The following WDR35 variants were observed in gnomAD, a reference collection of about 807,000 sequenced individuals.
The protein encoded by WDR35 is WD repeat domain 35, also known as WD repeat-containing protein 35.
WDR35 carries 118 observed loss-of-function variants against 158.3 expected under a neutral mutation model. That is an observed-to-expected ratio of 0.75 (90% CI 0.64 to 0.87). The LOEUF (loss-of-function observed/expected upper bound fraction) is 0.87, where lower values mean the gene tolerates loss of function less well. Among genes scored for constraint, WDR35 ranks in the 40% least tolerant of loss-of-function variants. The probability of loss-of-function intolerance (pLI) is 0.00; values close to 1 mark genes in which losing one functional copy is unlikely to be tolerated. For missense variants in WDR35, 1,263 were observed against 1,405.8 expected (o/e 0.90, Z 1.62); for synonymous variants, 448 against 476.1 (o/e 0.94, Z 0.77).
intron 11 of WDR35, among the ~76,000 whole-genome samples, chr2:19,956,580 T>G (rs1480822149): frequency 1.3e-5 from 2 of 151,510 alleles, no homozygotes; most frequent in African/African-American, 2.4e-5. Flanking sequence ...AATTATAGCA[T>G]AGCACAGTGC....
intron 8 of WDR35, among the ~76,000 whole-genome samples, chr2:19,971,869 G>A (rs559910441): frequency 6.6e-6 from 1 of 152,168 alleles, no homozygotes; most frequent in Non-Finnish European, 1.5e-5. Flanking sequence ...GCACTGTGTA[G>A]GCATTTCCTC....
Position 19,931,369 on chromosome 2 carries a change from C to T in WDR35, c.2864G>A (p.Arg955His), listed in dbSNP as rs780666056. The T allele has an allele frequency of 2.1e-5, 34 of 1,613,250 alleles. No homozygotes were observed. The highest frequency in any genetic ancestry group is 2.3e-5 in the Non-Finnish European group (27 of 1,179,668). ...EEAKKGSKPL[R>H]VKKLYVLSAL... ...TGACAGTACATAGAGCTTCTTGACA[C>T]GTAAAGGTTTACTTCCTTTCTTTGC... The change falls in exon 24 of 27, where the codon CGT becomes CAT. Residue 955 changes from arginine (R) to histidine (H), a missense_variant. Coordinates refer to ENST00000281405, the MANE Select transcript of WDR35 (RefSeq NM_020779.4).
At chr2:19,988,324 G>A (rs1672635516) in intron 2 of WDR35, among the ~76,000 whole-genome samples, 1 of 152,166 alleles carries the variant, frequency 6.6e-6, no homozygotes, top group African/African-American at 2.4e-5. Flanking sequence ...TCAAAGTGCG[G>A]TCTGAGGACC....
At chr2:19,921,326 T>C (rs1442858744) in intron 25 of WDR35, among the ~76,000 whole-genome samples, 2 of 152,046 alleles carry the variant, frequency 1.3e-5, no homozygotes, top group Admixed American at 6.5e-5. Flanking sequence ...GACTACGAAC[T>C]ATACTACAAG....
At chr2:19,951,570 CAATT>C in intron 12 of WDR35, 86 bp from the exon 13 acceptor site, 2 of 966,914 alleles carry the variant, frequency 2.1e-6, no homozygotes, top group Non-Finnish European at 3.2e-6. Context: ...TGGACAACAT[CAATT>C]AATACTGTTA....
At chr2:19,916,309 G>A (rs75021656) in intron 25 of WDR35, among the ~76,000 whole-genome samples, 13,073 of 152,212 alleles carry the variant, frequency 0.086, 658 homozygotes, top group East Asian at 0.23. Context: ...AAAACTGGGC[G>A]GCCGTTTGAG....
intron 8 of WDR35, among the ~76,000 whole-genome samples, chr2:19,973,007 GAGA>G (rs1672078554): frequency 6.6e-6 from 1 of 151,834 alleles, no homozygotes; most frequent in Non-Finnish European, 1.5e-5. Flanking sequence ...AAATACTATT[GAGA>G]AGGATAATAC....
At chr2:19,969,721 T>C (rs182073553) in intron 8 of WDR35, 116 bp from the exon 9 acceptor site, 14 of 1,111,882 alleles carry the variant, frequency 1.3e-5, no homozygotes, top group Admixed American at 5.1e-5. Flanking sequence ...GAAAAGTTAC[T>C]AGTCACTTTA....
chr2:19,964,358 T>C lies in WDR35; in HGVS notation c.1194+2366A>G, dbSNP rs552373514. Among the ~76,000 whole-genome samples, 5 of 150,338 alleles carry C rather than the reference T, an allele frequency of 3.3e-5. No individual in the cohort carries two copies. The East Asian group carries it at 1.0e-3, about 30-fold the overall frequency. On this transcript the variant is annotated intron_variant, in intron 10 of 26. Coordinates refer to ENST00000281405, the MANE Select transcript of WDR35 (RefSeq NM_020779.4). ...TATTTTGCCTGTTCACTCTTTTTTT[T>C]TCTTTTTTCTTTCTTTTCTTTTCTT...
At chr2:19,987,839 A>C (rs1295275338) in intron 2 of WDR35, among the ~76,000 whole-genome samples, 3 of 151,536 alleles carry the variant, frequency 2.0e-5, no homozygotes, top group African/African-American at 7.3e-5. Flanking sequence ...AAAAAAAAAA[A>C]AAAAAAACTT....
intron 2 of WDR35, among the ~76,000 whole-genome samples, chr2:19,986,610 CT>C (rs749216980): frequency 9.9e-4 from 151 of 152,160 alleles, no homozygotes; most frequent in Non-Finnish European, 1.9e-3. Flanking sequence ...ATGAAAGTCA[CT>C]GGTGAGGGAG....
At chr2:19,942,306 CATCT>C (rs1394335915) in intron 16 of WDR35, among the ~76,000 whole-genome samples, 1 of 152,040 alleles carries the variant, frequency 6.6e-6, no homozygotes, top group African/African-American at 2.4e-5. Flanking sequence ...TATGTAAGCC[CATCT>C]ATCAAAGAAA....
chr2:19,980,751 A>T lies in WDR35; in HGVS notation c.247T>A (p.Tyr83Asn). The change falls in exon 4 of 27, where the codon TAT becomes AAT. Residue 83 changes from tyrosine (Y) to asparagine (N), a missense_variant. By Grantham distance (143) the Tyr-to-Asn change is moderately radical. Transcript: ENST00000281405. The stretch of plus-strand genomic sequence containing the variant: ...TCATCACTGGTAGTCAACTTCTGAT[A>T]CTGCTCATTCCATGTTACAACTTGA... Reference protein sequence around the residue: ...SVQVVTWNEQYQKLTTSDENG... With the variant: ...SVQVVTWNEQNQKLTTSDENG... 1 of 1,613,866 alleles carries T rather than the reference A, an allele frequency of 6.2e-7. No individual in the cohort carries two copies. The highest frequency in any genetic ancestry group is 1.7e-4 in the Middle Eastern group (1 of 6,056).
At position 19,935,537 on chromosome 2, in the gene WDR35, C is replaced by T; in HGVS notation, c.2481G>A (p.Met827Ile). Residue 827 changes from methionine (M) to isoleucine (I), a missense_variant, in exon 21 of 27, where the codon ATG becomes ATA. Physicochemically the swap from Met to Ile is conservative, Grantham distance 10. Coordinates refer to ENST00000281405, the MANE Select transcript of WDR35 (RefSeq NM_020779.4). ...TCTCTAACCCTTCATAATCCTCTAACATATAGTAACATTCAGCTAAGCGTT... is the reference window on the plus strand; with the variant it reads ...TCTCTAACCCTTCATAATCCTCTAATATATAGTAACATTCAGCTAAGCGTT... ...NQERLAECYYMLEDYEGLENL... is the reference protein window; with the variant it reads ...NQERLAECYYILEDYEGLENL... 2 of 1,613,220 alleles carry T rather than the reference C, an allele frequency of 1.2e-6. No individual in the cohort carries two copies. Among genetic ancestry groups the T allele is most frequent in the Non-Finnish European group, 8.5e-7 (1 of 1,179,598 alleles).
chr2:19,919,807 G>T lies in WDR35; in HGVS notation c.3122-5530C>A, dbSNP rs1670111964. 2.6e-5 allele frequency among the ~76,000 whole-genome samples: 4 copies of T among 152,066 alleles called. 1 individual carries two copies. The South Asian group carries it at 8.3e-4, about 32-fold the overall frequency. On this transcript the variant is annotated intron_variant, in intron 25 of 26. Coordinates refer to ENST00000281405, the MANE Select transcript of WDR35 (RefSeq NM_020779.4). Reference sequence around the variant, plus strand: ...CAATGAATCCAGGAACTGGTTTTTTGAATACAACAACAAAATAGATAGACC... The same window carrying T: ...CAATGAATCCAGGAACTGGTTTTTTTAATACAACAACAAAATAGATAGACC...
At chr2:19,959,280 C>G (rs10190308) in intron 11 of WDR35, among the ~76,000 whole-genome samples, 69,439 of 151,774 alleles carry the variant, frequency 0.46, 16,102 homozygotes, top group East Asian at 0.64. Flanking sequence ...ATTACTTTGA[C>G]ATTAACCCTA....
chr2:19,939,621 A>G (rs1442925361), intron 17 of WDR35, among the ~76,000 whole-genome samples: 2 of 152,198 alleles, frequency 1.3e-5, no homozygotes, highest in African/African-American at 2.4e-5. Flanking sequence ...CCATATTTCC[A>G]TATATAACTT....
chr2:19,952,364 T>C (rs1572342567), intron 12 of WDR35, among the ~76,000 whole-genome samples: 1 of 152,216 alleles, frequency 6.6e-6, no homozygotes, highest in East Asian at 1.9e-4. Context: ...CCAATAAATG[T>C]TGGCTGTTAT....
intron 25 of WDR35, among the ~76,000 whole-genome samples, chr2:19,921,583 T>C (rs1316612920): frequency 6.6e-6 from 1 of 152,198 alleles, no homozygotes; most frequent in African/African-American, 2.4e-5. Flanking sequence ...TAACTCAAGA[T>C]GGATTAAAGA....
Sources: gnomAD v4.1 joint callset for allele counts (sites outside exome capture counted in the v4.1 genomes callset) on GRCh38, gnomAD v4.1.1 for gene constraint, MANE v1.5 for transcripts, NCBI Gene and HGNC (gene_info 2026-07-23, HGNC 2026-07-21) for gene names.